FHIT: variants seen among roughly 807,000 people sequenced by gnomAD.
FHIT encodes fragile histidine triad diadenosine triphosphatase.
A neutral mutation model predicts 17.9 loss-of-function variants in FHIT; 19 were observed. That is an observed-to-expected ratio of 1.06 (90% confidence interval 0.74 to 1.56). FHIT has a LOEUF of 1.56. FHIT is among the 40% of genes most tolerant of loss of function. FHIT has a pLI of 0.00. For missense variants in FHIT, 248 were observed against 189.2 expected (o/e 1.31, Z -1.82); for synonymous variants, 81 against 69.7 (o/e 1.16, Z -0.81).
At chr3:60,366,167 C>A (rs752488151) in intron 5 of FHIT, among the ~76,000 whole-genome samples, 1 of 152,112 alleles carries the variant, frequency 6.6e-6, no homozygotes, top group African/African-American at 2.4e-5. Flanking sequence ...AGGAAAAAGG[C>A]GCTATGTTCA....
At chr3:60,259,023 T>A (rs1184334021) in intron 5 of FHIT, among the ~76,000 whole-genome samples, 1 of 151,590 alleles carries the variant, frequency 6.6e-6, no homozygotes, top group Non-Finnish European at 1.5e-5. Flanking sequence ...TGCCATATTT[T>A]GAAGTCATGT....
intron 1 of FHIT, among the ~76,000 whole-genome samples, chr3:61,210,579 C>A (rs567350844): frequency 2.6e-5 from 4 of 152,188 alleles, no homozygotes; most frequent in Non-Finnish European, 5.9e-5. Context: ...ATGAGTGAGG[C>A]TCCGTGGGCG....
chr3:60,249,887 A>G (rs1426158273), intron 5 of FHIT, among the ~76,000 whole-genome samples: 1 of 152,112 alleles, frequency 6.6e-6, no homozygotes, highest in Non-Finnish European at 1.5e-5. Flanking sequence ...ATCAAGAGCA[A>G]AGTCACACCT....
intron 4 of FHIT, among the ~76,000 whole-genome samples, chr3:60,684,034 G>A (rs1577066254): frequency 6.6e-6 from 1 of 152,066 alleles, no homozygotes; most frequent in Non-Finnish European, 1.5e-5. Flanking sequence ...TTACAGATGA[G>A]GGCACTGAGA....
intron 5 of FHIT, among the ~76,000 whole-genome samples, chr3:60,130,760 G>A (rs1423581588): frequency 1.1e-4 from 1 of 8,794 alleles, no homozygotes; most frequent in African/African-American, 8.8e-4. Flanking sequence ...GTGTGTGTGT[G>A]TGTGTTTGTG....
chr3:60,059,177 T>G (rs1459942012), intron 5 of FHIT, among the ~76,000 whole-genome samples: 2 of 152,166 alleles, frequency 1.3e-5, no homozygotes, highest in Non-Finnish European at 2.9e-5. Context: ...GGAAAGACCG[T>G]CTTCCTATAT....
At chr3:59,980,854 T>G (rs1708623215) in intron 7 of FHIT, among the ~76,000 whole-genome samples, 1 of 152,228 alleles carries the variant, frequency 6.6e-6, no homozygotes, top group South Asian at 2.1e-4. Flanking sequence ...TTTGTGGTAT[T>G]ACCTTAGAGC....
At chr3:60,875,706 AT>A (rs11342311) in intron 3 of FHIT, among the ~76,000 whole-genome samples, 129,948 of 152,022 alleles carry the variant, frequency 0.85, 56,883 homozygotes, top group East Asian at 1. Flanking sequence ...GTTTAAATAT[AT>A]TTTTTTCATA....
At chr3:60,064,554 C>A (rs1027696129) in intron 5 of FHIT, among the ~76,000 whole-genome samples, 22 of 152,286 alleles carry the variant, frequency 1.4e-4, no homozygotes, top group African/African-American at 4.8e-4. Flanking sequence ...CAGGGACAGA[C>A]AGAACCTACC....
chr3:60,073,670 GAA>G (rs1440679309), intron 5 of FHIT, among the ~76,000 whole-genome samples: 1 of 151,726 alleles, frequency 6.6e-6, no homozygotes, highest in East Asian at 1.9e-4. Flanking sequence ...ATGATCTACC[GAA>G]GTCACCCTAC....
intron 5 of FHIT, among the ~76,000 whole-genome samples, chr3:60,252,890 C>T (rs531773470): frequency 3.3e-5 from 5 of 151,476 alleles, no homozygotes; most frequent in South Asian, 2.1e-4. Flanking sequence ...TCCAGCTACT[C>T]GGGAGGCTGA....
At chr3:60,455,048 T>C (rs1159361297) in intron 5 of FHIT, among the ~76,000 whole-genome samples, 5 of 152,160 alleles carry the variant, frequency 3.3e-5, no homozygotes, top group Middle Eastern at 3.2e-3. Context: ...CTTGAGAATA[T>C]ATATATTTTA....
chr3:60,521,392 CG>C (rs1423638573), intron 5 of FHIT, among the ~76,000 whole-genome samples: 1 of 151,788 alleles, frequency 6.6e-6, no homozygotes, highest in Non-Finnish European at 1.5e-5. Flanking sequence ...GGACTACAGG[CG>C]CCCGCCACCA....
intron 1 of FHIT, among the ~76,000 whole-genome samples, chr3:61,209,751 G>C (rs918643135): frequency 4.6e-5 from 7 of 151,952 alleles, no homozygotes; most frequent in African/African-American, 1.7e-4. Flanking sequence ...TTTGCCATTG[G>C]TTCGAACTTC....
intron 2 of FHIT, among the ~76,000 whole-genome samples, chr3:61,116,026 G>A (rs970967026): frequency 1.3e-5 from 2 of 152,082 alleles, no homozygotes; most frequent in African/African-American, 2.4e-5. Flanking sequence ...ACCTAAAAAT[G>A]CTAGAAGATA....
chr3:60,272,514 A>C (rs924360441), intron 5 of FHIT, among the ~76,000 whole-genome samples: 8 of 152,146 alleles, frequency 5.3e-5, no homozygotes, highest in African/African-American at 1.9e-4. Context: ...TCCTTTAATG[A>C]TACTCTACCA....
At chr3:60,753,323 T>G (rs550558661) in intron 4 of FHIT, among the ~76,000 whole-genome samples, 1 of 152,354 alleles carries the variant, frequency 6.6e-6, no homozygotes, top group Non-Finnish European at 1.5e-5. Flanking sequence ...TCTTTTATTC[T>G]CTGGCAGAGC....
At chr3:59,943,066 A>G (rs1706610819) in intron 7 of FHIT, among the ~76,000 whole-genome samples, 1 of 152,024 alleles carries the variant, frequency 6.6e-6, no homozygotes, top group African/African-American at 2.4e-5. Context: ...CTCCTGTTAT[A>G]TTACTAAGAA....
At chr3:60,603,694 A>G (rs1311180379) in intron 4 of FHIT, among the ~76,000 whole-genome samples, 1 of 152,108 alleles carries the variant, frequency 6.6e-6, no homozygotes, top group African/African-American at 2.4e-5. Flanking sequence ...AATGAGCAAC[A>G]TCATAAAGTG....
Sources: gnomAD v4.1 joint callset for allele counts (sites outside exome capture counted in the v4.1 genomes callset) on GRCh38, gnomAD v4.1.1 for gene constraint, MANE v1.5 for transcripts, NCBI Gene and HGNC (gene_info 2026-07-23, HGNC 2026-07-21) for gene names.